GEN1: variants seen among roughly 807,000 people sequenced by gnomAD.
GEN1 encodes the protein flap endonuclease GEN homolog 1.
Under a neutral mutation model 67.6 loss-of-function variants are expected in GEN1, and 64 were observed. That is an observed-to-expected ratio of 0.95 (90% CI 0.77 to 1.17). The LOEUF (loss-of-function observed/expected upper bound fraction) is 1.17. Among genes scored for constraint, GEN1 ranks in the 50% most tolerant of loss-of-function variants. The pLI is 0.00. For synonymous variants in GEN1, 371 were observed against 359.4 expected, an observed-to-expected ratio of 1.03 and a Z score of -0.37; for missense variants, 1,058 against 1,048.3, an observed-to-expected ratio of 1.01 and a Z score of -0.13.
At chr2:17,762,327 G>T (rs182722222) in intron 3 of GEN1, among the ~76,000 whole-genome samples, 1 of 149,488 alleles carries the variant, frequency 6.7e-6, no homozygotes, top group East Asian at 2.0e-4. Flanking sequence ...TCAGCCTCCC[G>T]AGTAGCTGGG....
chr2:17,776,266 A>G (rs1429197674), intron 11 of GEN1, among the ~76,000 whole-genome samples: 2 of 152,212 alleles, frequency 1.3e-5, no homozygotes, highest in African/African-American at 4.8e-5. Flanking sequence ...GATTAAAATA[A>G]AGAGACAACA....
chr2:17,770,779 C>T (rs988573299), intron 6 of GEN1, among the ~76,000 whole-genome samples: 3 of 151,812 alleles, frequency 2.0e-5, no homozygotes, highest in African/African-American at 7.3e-5. Flanking sequence ...TTACTCTTTA[C>T]TCTTCTTTCT....
intron 5 of GEN1, among the ~76,000 whole-genome samples, chr2:17,768,431 A>C (rs552148236): frequency 2.6e-5 from 4 of 152,328 alleles, no homozygotes; most frequent in Non-Finnish European, 4.4e-5. Flanking sequence ...TAGTAAATGA[A>C]AGCCCTCTAA....
intron 11 of GEN1, among the ~76,000 whole-genome samples, chr2:17,775,728 C>G (rs189887189): frequency 5.3e-5 from 8 of 152,288 alleles, no homozygotes; most frequent in African/African-American, 1.9e-4. Flanking sequence ...CAGTGGACAT[C>G]AGTTTAACTC....
intron 1 of GEN1, chr2:17,754,677 G>A (rs1671317122): frequency 6.6e-6 from 1 of 152,332 alleles, no homozygotes; most frequent in Admixed American, 6.5e-5. Context: ...CATCCCGGGA[G>A]AGCCCTCCCT....
rs1672989690 is a variant in GEN1, at chr2:17,784,597, A to G, written c.*2658A>G. 6.6e-6 allele frequency: 1 copy of G among 152,252 alleles called. No homozygotes were observed. Among genetic ancestry groups the G allele is most frequent in the Non-Finnish European group, 1.5e-5 (1 of 68,044 alleles). The allele number at this position is 152,252 out of a possible 1,614,324, so 9.4% of individuals were successfully genotyped here. Reference sequence around the variant, plus strand: ...TGAGGAAGGGGAGAAACTAATGTGTATTAGCTATTGTGTGCTAAGCATTCA... The same window carrying G: ...TGAGGAAGGGGAGAAACTAATGTGTGTTAGCTATTGTGTGCTAAGCATTCA... On this transcript the variant is annotated 3_prime_UTR_variant, in exon 14 of 14. Transcript: ENST00000381254.
intron 11 of GEN1, among the ~76,000 whole-genome samples, chr2:17,774,707 G>A (rs1672347185): frequency 6.6e-6 from 1 of 151,792 alleles, no homozygotes; most frequent in African/African-American, 2.4e-5. Flanking sequence ...GGGAATGTGG[G>A]AACTAAAACT....
Position 17,773,215 on chromosome 2 carries a change from C to G in GEN1, c.991-4C>G, listed in dbSNP as rs373198444. 1.1e-5 allele frequency: 18 copies of G among 1,587,564 alleles called. No individual in the cohort carries two copies. The highest frequency in any genetic ancestry group is 1.6e-5 in the Non-Finnish European group (18 of 1,160,924). ...TCAGTTTCTATTTTCTTTTTTCTTG[C>G]TAGGTTATTCAAGAATTCCTTTTAA... On this transcript the variant is annotated splice_polypyrimidine_tract_variant and splice_region_variant and intron_variant, in intron 9 of 13. Coordinates refer to ENST00000381254, the MANE Select transcript of GEN1 (RefSeq NM_001130009.3).
upstream of GEN1, chr2:17,753,881 C>G (rs982247726): frequency 1.2e-4 from 19 of 152,434 alleles, no homozygotes; most frequent in African/African-American, 4.6e-4. Flanking sequence ...TTCGCGCCGC[C>G]GGAGTCTGAG....
chr2:17,785,897 A>T lies in GEN1; in HGVS notation c.*3958A>T, dbSNP rs7425674. ...ATGGGCGAAAAAGTGTCTAAAAAAA[A>T]TTAAAATTTAAATTAAAAAAAAATA... is the stretch of plus-strand genomic sequence containing the variant. On this transcript the variant is annotated 3_prime_UTR_variant, in exon 14 of 14. Transcript: ENST00000381254. 3.9e-5 allele frequency: 6 copies of T among 152,304 alleles called. No individual in the cohort carries two copies. Among genetic ancestry groups the T allele is most frequent in the Non-Finnish European group, 2.9e-5 (2 of 68,016 alleles). 9.4% of individuals were successfully genotyped at this position (152,304 alleles called of 1,614,324 possible).
At chr2:17,754,801 C>A (rs79245990) in intron 1 of GEN1, 1 of 152,212 alleles carries the variant, frequency 6.6e-6, no homozygotes, top group African/African-American at 2.4e-5. Flanking sequence ...ATCAGTCTTT[C>A]CCCCACGGTA....
chr2:17,761,255 C>A, intron 2 of GEN1, 141 bp from the exon 3 acceptor site: 1 of 572,896 alleles, frequency 1.7e-6, no homozygotes, highest in Non-Finnish European at 3.1e-6. Context: ...AGTGGTTTTC[C>A]ACTCTAATTA....
At chr2:17,774,901 T>C (rs1672356961) in intron 11 of GEN1, among the ~76,000 whole-genome samples, 1 of 151,718 alleles carries the variant, frequency 6.6e-6, no homozygotes, top group African/African-American at 2.4e-5. Flanking sequence ...CTGGGGTAGA[T>C]AATAAAAAAC....
At chr2:17,759,789 T>C (rs1355215684) in intron 1 of GEN1, 140 bp from the exon 2 acceptor site, 7 of 646,146 alleles carry the variant, frequency 1.1e-5, no homozygotes, top group Non-Finnish European at 1.7e-5. Context: ...CTTAATTCAT[T>C]TTGAAACGCT....
intron 11 of GEN1, among the ~76,000 whole-genome samples, chr2:17,775,667 T>C (rs996985840): frequency 6.6e-6 from 1 of 152,130 alleles, no homozygotes; most frequent in African/African-American, 2.4e-5. Context: ...CAAGTACCGC[T>C]CTACAGATTA....
intron 3 of GEN1, among the ~76,000 whole-genome samples, chr2:17,762,071 A>G (rs1473268012): frequency 6.6e-6 from 1 of 151,904 alleles, no homozygotes; most frequent in Admixed American, 6.6e-5. Context: ...TCGTTACATT[A>G]TAATATATTA....
chr2:17,769,580 G>T lies in GEN1; in HGVS notation c.710+769G>T, dbSNP rs1246842822. On this transcript the variant is annotated intron_variant, in intron 6 of 13. Transcript: ENST00000381254. ...TTTTCTTTCTATAAATGAAATGTCT[G>T]TGGCGTGTTGTAAATATTTAATAAT... is the stretch of plus-strand genomic sequence containing the variant. Among the ~76,000 whole-genome samples, 9 of 152,112 alleles carry T rather than the reference G, an allele frequency of 5.9e-5. No individual in the cohort carries two copies. The East Asian group carries it at 1.7e-3, about 29-fold the overall frequency.
intron 5 of GEN1, among the ~76,000 whole-genome samples, chr2:17,767,761 T>C (rs1476732148): frequency 6.6e-6 from 1 of 152,238 alleles, no homozygotes; most frequent in African/African-American, 2.4e-5. Flanking sequence ...TGACCTTTTG[T>C]GTTTTTTAAA....
At chr2:17,773,926 A>C (rs555764127) in intron 10 of GEN1, among the ~76,000 whole-genome samples, 115 of 152,192 alleles carry the variant, frequency 7.6e-4, no homozygotes, top group African/African-American at 2.6e-3. Flanking sequence ...AGACATTTAA[A>C]TTTGCTGTTA....
Sources: gnomAD v4.1 joint callset for allele counts (sites outside exome capture counted in the v4.1 genomes callset) on GRCh38, gnomAD v4.1.1 for gene constraint, MANE v1.5 for transcripts, NCBI Gene and HGNC (gene_info 2026-07-23, HGNC 2026-07-21) for gene names.